MGA: variants seen among roughly 807,000 people sequenced by gnomAD.
MGA encodes the protein MAX dimerization protein MGA, also known as MAX gene-associated protein.
In MGA, 40 loss-of-function variants were observed where a neutral mutation model predicts 261.1. The observed-to-expected ratio is 0.15, with a 90% CI of 0.12 to 0.20. The LOEUF is 0.20. Ranked by LOEUF, MGA falls within the 10% of genes least tolerant of loss-of-function variation. MGA has a pLI of 1.00. For synonymous variants in MGA, 1,302 were observed against 1,290.6 expected (o/e 1.01, Z -0.19); for missense variants, 3,397 against 3,630.5 (o/e 0.94, Z 1.65).
intron 17 of MGA, among the ~76,000 whole-genome samples, chr15:41,752,549 G>GTTTTTTTTTTTTTTTTTTTT (rs35282917): frequency 9.8e-6 from 1 of 102,146 alleles, no homozygotes; most frequent in Non-Finnish European, 1.9e-5. Flanking sequence ...AACCTTTAAA[G>GTTTTTTTTTTTTTTTTTTTT]TTTTTTTTTT....
Position 41,761,850 on chromosome 15 carries a change from G to A in MGA, c.7510G>A (p.Gly2504Ser). The change falls in exon 21 of 24, where the codon GGT becomes AGT. Residue 2504 changes from glycine to serine, a missense_variant and splice_region_variant. Transcript: ENST00000219905. ...GATACGGAAAGTATCGTCTCTTTCA[G>A]GTGAGATAAGTAAATAATCTCTGGT... 1 of 1,539,466 alleles carries A rather than the reference G, an allele frequency of 6.5e-7. No individual in the cohort carries two copies. The highest frequency in any genetic ancestry group is 8.9e-7 in the Non-Finnish European group (1 of 1,129,498).
intron 11 of MGA, among the ~76,000 whole-genome samples, chr15:41,731,804 G>A (rs1325531438): frequency 2.0e-5 from 3 of 152,166 alleles, no homozygotes; most frequent in Admixed American, 1.3e-4. Context: ...AATGGGATTA[G>A]GCATCTCTTA....
At chr15:41,763,425 CACTT>C (rs1402051439) in intron 22 of MGA, among the ~76,000 whole-genome samples, 3 of 150,904 alleles carry the variant, frequency 2.0e-5, no homozygotes, top group Admixed American at 6.6e-5. Flanking sequence ...TTCATCAGAT[CACTT>C]ACTTATTAAT....
Position 41,749,873 on chromosome 15 carries a change from T to C in MGA, c.6266T>C (p.Ile2089Thr), listed in dbSNP as rs776890658. The C allele has an allele frequency of 6.2e-7, 1 of 1,613,954 alleles. No individual in the cohort carries two copies. Among genetic ancestry groups the C allele is most frequent in the Admixed American group, 1.7e-5 (1 of 60,022 alleles). ...GTGGCTGTTCTGGAAGTTAGGACCATTTCTGAAAAAGCCAGTAATAAGACA... is the reference window on the plus strand; with the variant it reads ...GTGGCTGTTCTGGAAGTTAGGACCACTTCTGAAAAAGCCAGTAATAAGACA... The change falls in exon 17 of 24, where the codon ATT becomes ACT. Residue 2089 changes from isoleucine (I) to threonine (T), a missense_variant. Ile to Thr is a moderately conservative substitution (Grantham distance 89). Around this residue, in one of 9 missense-constraint regions of MGA, gnomAD observed 1,410 missense variants for 1,386.4 expected, o/e 1.02. Transcript: ENST00000219905.
chr15:41,740,311 ATTC>A, intron 14 of MGA, 108 bp downstream of exon 14: 1 of 1,207,692 alleles, frequency 8.3e-7, no homozygotes, highest in Non-Finnish European at 1.1e-6. Flanking sequence ...CTTTGGCATT[ATTC>A]TTATTCTTGT....
intron 1 of MGA, among the ~76,000 whole-genome samples, chr15:41,629,655 G>A (rs750171864): frequency 1.3e-5 from 2 of 151,656 alleles, no homozygotes; most frequent in Non-Finnish European, 2.9e-5. Context: ...CTTCAGCCTG[G>A]GTGGTTGAAG....
chr15:41,673,522 T>A (rs997142184), intron 2 of MGA, among the ~76,000 whole-genome samples: 1 of 148,450 alleles, frequency 6.7e-6, no homozygotes, highest in Admixed American at 6.8e-5. Flanking sequence ...CCAGCTGTTG[T>A]AGTCTTTTTC....
At chr15:41,632,713 A>G (rs914262069) in intron 1 of MGA, among the ~76,000 whole-genome samples, 4 of 152,028 alleles carry the variant, frequency 2.6e-5, no homozygotes, top group South Asian at 2.1e-4. Flanking sequence ...CTGCCTTGCA[A>G]TAAAGCGTTT....
chr15:41,660,655 C>T (rs900039134), intron 1 of MGA, 130 bp downstream of exon 1: 1 of 152,574 alleles, frequency 6.6e-6, no homozygotes, highest in African/African-American at 2.4e-5. Flanking sequence ...CACGCCCTCG[C>T]CAGGCCGGGC....
intron 9 of MGA, among the ~76,000 whole-genome samples, chr15:41,715,511 TA>T (rs926698454): frequency 6.6e-6 from 1 of 151,904 alleles, no homozygotes; most frequent in African/African-American, 2.4e-5. Flanking sequence ...TTTTTGGACT[TA>T]AAAAAAATAA....
At chr15:41,625,041 G>T (rs888641829) in intron 1 of MGA, among the ~76,000 whole-genome samples, 4 of 152,042 alleles carry the variant, frequency 2.6e-5, no homozygotes, top group Admixed American at 6.5e-5. Context: ...TACTCAGGAG[G>T]CTGAGATGGG....
At chr15:41,681,245 T>C (rs1011830127) in intron 2 of MGA, among the ~76,000 whole-genome samples, 8 of 152,200 alleles carry the variant, frequency 5.3e-5, no homozygotes, top group African/African-American at 1.9e-4. Flanking sequence ...GTTTTTCCAT[T>C]TTAGCTATTT....
At chr15:41,684,968 T>C (rs1186515591) in intron 2 of MGA, among the ~76,000 whole-genome samples, 2 of 152,202 alleles carry the variant, frequency 1.3e-5, no homozygotes, top group Admixed American at 1.3e-4. Flanking sequence ...AATTATTGAG[T>C]TAACACTTAA....
At chr15:41,656,846 A>G (rs1312994527), upstream of MGA, among the ~76,000 whole-genome samples, 3 of 152,092 alleles carry the variant, frequency 2.0e-5, no homozygotes, top group Admixed American at 6.5e-5. Flanking sequence ...GCACAATCAC[A>G]GCTCACTGTA....
chr15:41,729,528 G>A (rs2151711579), intron 11 of MGA, among the ~76,000 whole-genome samples, 179 bp downstream of exon 11: 1 of 152,136 alleles, frequency 6.6e-6, no homozygotes, highest in East Asian at 1.9e-4. Context: ...GTTATTACAA[G>A]TATTCTTTCT....
Position 41,745,258 on chromosome 15 carries a change from G to A in MGA, c.5212+2086G>A, listed in dbSNP as rs191784993. ...ATGACCCTGCCAAATCCCCCTATGC[G>A]AGAAACACCCAAGAATGATCAATAA... On this transcript the variant is annotated intron_variant, in intron 15 of 23. Coordinates refer to ENST00000219905, the MANE Select transcript of MGA (RefSeq NM_001164273.2). Among the ~76,000 whole-genome samples the A allele has an allele frequency of 1.4e-3, 145 of 103,052 alleles. 2 individuals carry two copies. The highest frequency in any genetic ancestry group is 8.1e-3 in the Admixed American group (54 of 6,634). The allele number at this position is 103,052 out of a possible 152,430, so 67.6% of individuals were successfully genotyped here. A position where few individuals can be genotyped will look rare whatever the true frequency, so the allele number is the denominator to read the frequency against.
chr15:41,703,079 CT>C (rs2059930262), intron 5 of MGA, among the ~76,000 whole-genome samples: 5 of 151,958 alleles, frequency 3.3e-5, no homozygotes, highest in Admixed American at 2.6e-4. Context: ...TTCAGATTTC[CT>C]TAGTTTTTAC....
Position 41,663,334 on chromosome 15 carries a change from C to T in MGA, c.-68+2809C>T, listed in dbSNP as rs117416360. On this transcript the variant is annotated intron_variant, in intron 1 of 23. Coordinates refer to ENST00000219905, the MANE Select transcript of MGA (RefSeq NM_001164273.2). Reference sequence around the variant, plus strand: ...AAAAAAAAATTTGATGTTGAAAAGCCGAATTGAAAGTTTTTGAATGTTAAG... The same window carrying T: ...AAAAAAAAATTTGATGTTGAAAAGCTGAATTGAAAGTTTTTGAATGTTAAG... Among the ~76,000 whole-genome samples, 1,136 of 151,878 alleles carry T rather than the reference C, an allele frequency of 7.5e-3. 8 individuals carry two copies. The highest frequency in any genetic ancestry group is 0.014 in the Middle Eastern group (4 of 294).
At chr15:41,724,337 A>G (rs764061317) in intron 9 of MGA, among the ~76,000 whole-genome samples, 5 of 152,218 alleles carry the variant, frequency 3.3e-5, no homozygotes, top group Non-Finnish European at 5.9e-5. Context: ...CCATATTCCA[A>G]CACATTTTCC....
Sources: gnomAD v4.1 joint callset for allele counts (sites outside exome capture counted in the v4.1 genomes callset) on GRCh38, gnomAD v4.1.1 for gene constraint, gnomAD v4.1.1 regional missense constraint, MANE v1.5 for transcripts, NCBI Gene and HGNC (gene_info 2026-07-23, HGNC 2026-07-21) for gene names.